DNAH12: variants seen among roughly 807,000 people sequenced by gnomAD.
DNAH12 encodes the protein dynein axonemal heavy chain 12, also known as axonemal beta dynein heavy chain 12.
Under a neutral mutation model 371.5 loss-of-function variants are expected in DNAH12, and 285 were observed. The observed-to-expected ratio is 0.77, with a 90% CI of 0.70 to 0.85. DNAH12 has a LOEUF of 0.85. Among genes scored for constraint, DNAH12 ranks in the 40% least tolerant of loss-of-function variants. The probability of loss-of-function intolerance (pLI) is 0.00; values close to 1 mark genes in which losing one functional copy is unlikely to be tolerated. For synonymous variants in DNAH12, 1,200 were observed against 1,213.0 expected, an observed-to-expected ratio of 0.99 and a Z score of 0.22; for missense variants, 3,611 against 3,689.4, an observed-to-expected ratio of 0.98 and a Z score of 0.55.
At chr3:57,492,314 G>C (rs1189738356) in intron 11 of DNAH12, among the ~76,000 whole-genome samples, 5 of 151,952 alleles carry the variant, frequency 3.3e-5, no homozygotes, top group African/African-American at 2.4e-5. Context: ...TACAAAATTA[G>C]CTGGGCGTGG....
intron 68 of DNAH12, 76 bp from the exon 69 acceptor site, chr3:57,309,330 A>G: frequency 8.6e-7 from 1 of 1,160,454 alleles, no homozygotes; most frequent in South Asian, 1.5e-5. Context: ...TTATATAATA[A>G]TAGCTAATAC....
chr3:57,502,225 G>T, intron 10 of DNAH12, 98 bp downstream of exon 10: 1 of 1,499,078 alleles, frequency 6.7e-7, no homozygotes, highest in Non-Finnish European at 9.1e-7. Flanking sequence ...GGCTCTCCCT[G>T]TTCTTTCATG....
intron 50 of DNAH12, among the ~76,000 whole-genome samples, chr3:57,380,675 G>T (rs1250600238): frequency 6.6e-6 from 1 of 152,090 alleles, no homozygotes; most frequent in Non-Finnish European, 1.5e-5. Context: ...ATGTTGGCCA[G>T]GCTGGTCTCC....
In DNAH12 at chr3:57,446,945, T is replaced by C. The variant is rs540148142; in HGVS notation, c.3787-256A>G. Among the ~76,000 whole-genome samples, 3 of 152,350 alleles carry C rather than the reference T, an allele frequency of 2.0e-5. No individual in the cohort carries two copies. In the East Asian group the frequency reaches 5.8e-4, roughly 29 times the overall value. On this transcript the variant is annotated intron_variant, in intron 25 of 73. Coordinates refer to ENST00000495027, the MANE Select transcript of DNAH12 (RefSeq NM_001366028.2). ...ATCCCATTTGTTTTTAAAAACAATC[T>C]AGCCTTATGGGGGTAAAATTAGTTC...
Position 57,433,709 on chromosome 3 carries a change from G to T in DNAH12, c.4775C>A (p.Thr1592Asn). ...YGEEEKVIYR[T>N]VNPKSITMGQ... The stretch of plus-strand genomic sequence containing the variant: ...CATAGTAATAGATTTGGGGTTTACA[G>T]TTCTATAAATGACCTTTTCTTCCTC... The change falls in exon 31 of 74, where the codon ACT becomes AAT. Residue 1592 changes from threonine to asparagine, a missense_variant. Thr to Asn is a moderately conservative substitution (Grantham distance 65, BLOSUM62 0). Transcript: ENST00000495027. 6.4e-7 allele frequency: 1 copy of T among 1,551,290 alleles called. No homozygotes were observed. Among genetic ancestry groups the T allele is most frequent in the Non-Finnish European group, 8.7e-7 (1 of 1,146,926 alleles).
intron 50 of DNAH12, 89 bp downstream of exon 50, chr3:57,382,173 A>T (rs961466144): frequency 6.6e-6 from 1 of 152,172 alleles, no homozygotes; most frequent in Non-Finnish European, 1.5e-5. Flanking sequence ...TTCTTCCCTA[A>T]TTTGGGTACT....
At chr3:57,385,061 C>T (rs1268588163) in intron 48 of DNAH12, 56 bp from the exon 49 acceptor site, 2 of 152,068 alleles carry the variant, frequency 1.3e-5, no homozygotes, top group East Asian at 1.9e-4. Flanking sequence ...TTTCTCAATC[C>T]TAGACAAAAG....
At chr3:57,427,435 C>T (rs954062891) in intron 34 of DNAH12, among the ~76,000 whole-genome samples, 1 of 151,470 alleles carries the variant, frequency 6.6e-6, no homozygotes, top group South Asian at 2.1e-4. Flanking sequence ...GCCTGTAATC[C>T]CAGAACTTTG....
Position 57,390,343 on chromosome 3 carries a change from G to A in DNAH12, c.7305+1529C>T, listed in dbSNP as rs2063589174. Among the ~76,000 whole-genome samples, 4 of 125,882 alleles carry A rather than the reference G, an allele frequency of 3.2e-5. No individual in the cohort carries two copies. In the Admixed American group the frequency reaches 3.3e-4, roughly 10 times the overall value. 82.6% of individuals were successfully genotyped at this position (125,882 alleles called of 152,430 possible). On this transcript the variant is annotated intron_variant, in intron 45 of 73. Coordinates refer to ENST00000495027, the MANE Select transcript of DNAH12 (RefSeq NM_001366028.2). ...TGGGAGGATTGCTTGAGCCCAGGAG[G>A]CAGAGGTTTCAGTGAGCTGTGATTG...
intron 2 of DNAH12, among the ~76,000 whole-genome samples, chr3:57,533,990 G>A (rs2068940128): frequency 6.6e-6 from 1 of 152,058 alleles, no homozygotes. Flanking sequence ...AGGGCCCCAG[G>A]GTACTTTAGC....
At chr3:57,510,271 C>G (rs2067938059) in intron 5 of DNAH12, among the ~76,000 whole-genome samples, 1 of 151,564 alleles carries the variant, frequency 6.6e-6, no homozygotes, top group Non-Finnish European at 1.5e-5. Flanking sequence ...CAAAAAGTAC[C>G]CTTAAATTGT....
Position 57,348,545 on chromosome 3 carries a change from T to C in DNAH12, c.9674+3540A>G, listed in dbSNP as rs142198733. Among the ~76,000 whole-genome samples the C allele has an allele frequency of 6.6e-4, 100 of 152,288 alleles. 2 individuals are homozygous for C. In the East Asian group the frequency reaches 0.018, roughly 28 times the overall value. ...ATGCAAGCTCATAGATGCTAACAAA[T>C]ATATCACTCTGGTAAGGGGTTTTGT... On this transcript the variant is annotated intron_variant, in intron 60 of 73. Coordinates refer to ENST00000495027, the MANE Select transcript of DNAH12 (RefSeq NM_001366028.2).
chr3:57,360,881 T>TA lies in DNAH12; in HGVS notation c.9360+2712dup, dbSNP rs1427967959. On this transcript the variant is annotated intron_variant, in intron 58 of 73. Transcript: ENST00000495027. ...GAAAACCAAAAGGCCTGAAGATCAA[T>TA]AACGTTAGCTTACAGAAGTCATTCT... 3.9e-5 allele frequency among the ~76,000 whole-genome samples: 6 copies of TA among 152,254 alleles called. No homozygotes were observed. The East Asian group carries it at 1.2e-3, about 29-fold the overall frequency.
intron 35 of DNAH12, among the ~76,000 whole-genome samples, chr3:57,424,273 C>T (rs1181849744): frequency 1.3e-5 from 2 of 151,088 alleles, no homozygotes; most frequent in African/African-American, 4.9e-5. Flanking sequence ...AGTTCAAGAC[C>T]AGCCTGGCCA....
intron 60 of DNAH12, among the ~76,000 whole-genome samples, chr3:57,350,921 C>A (rs1184361149): frequency 6.6e-6 from 1 of 152,124 alleles, no homozygotes; most frequent in Non-Finnish European, 1.5e-5. Context: ...AAATTCAAAC[C>A]ATGATGCAAT....
rs1335537017 is a variant in DNAH12, at chr3:57,323,054, A to T, written c.10336T>A (p.Cys3446Ser). The T allele has an allele frequency of 1.9e-5, 30 of 1,552,268 alleles. No individual in the cohort carries two copies. Among genetic ancestry groups the T allele is most frequent in the Non-Finnish European group, 2.6e-5 (30 of 1,147,152 alleles). Residue 3446 changes from cysteine (C) to serine (S), a missense_variant, in exon 64 of 74, where the codon TGT (cysteine) becomes AGT (serine). By Grantham distance (112) the Cys-to-Ser change is moderately radical. Transcript: ENST00000495027. Reference sequence around the variant, plus strand: ...AGCCAAAGCCTAAAGGATGAGTTACAGGTTTCAGAGGTAAAATCTTCACAT... The same window carrying T: ...AGCCAAAGCCTAAAGGATGAGTTACTGGTTTCAGAGGTAAAATCTTCACAT... ...KICEDFTSETCNSSFRLWLTS... is the reference protein window; with the variant it reads ...KICEDFTSETSNSSFRLWLTS...
intron 38 of DNAH12, 133 bp downstream of exon 38, chr3:57,415,293 G>A: frequency 5.7e-6 from 7 of 1,223,244 alleles, no homozygotes; most frequent in South Asian, 3.2e-5. Context: ...CCAAAAACTT[G>A]TAACTCCCCA....
At chr3:57,524,003 A>AT (rs2068545390) in intron 2 of DNAH12, 119 bp from the exon 3 acceptor site, 1 of 595,860 alleles carries the variant, frequency 1.7e-6, no homozygotes, top group African/African-American at 1.9e-5. Context: ...ATCTTACTGA[A>AT]TTTTTTATGA....
intron 43 of DNAH12, among the ~76,000 whole-genome samples, chr3:57,399,795 C>T (rs1227995897): frequency 2.6e-5 from 4 of 152,186 alleles, no homozygotes; most frequent in African/African-American, 7.2e-5. Flanking sequence ...TGATGATCCA[C>T]ATCCACTTAA....
Sources: allele counts gnomAD v4.1 joint callset (sites outside exome capture counted in the v4.1 genomes callset), GRCh38; gene constraint gnomAD v4.1.1; transcripts MANE v1.5; gene names NCBI Gene and HGNC (gene_info 2026-07-23, HGNC 2026-07-21).